The following HDGFL3 variants were observed in gnomAD, a reference collection of about 807,000 sequenced individuals.
HDGFL3 encodes hepatoma-derived growth factor-related protein 3.
Under a neutral mutation model 27.6 loss-of-function variants are expected in HDGFL3, and 6 were observed. The observed-to-expected ratio is 0.22, with a 90% CI of 0.12 to 0.43. The LOEUF is 0.43. HDGFL3 is among the 20% of genes least tolerant of loss of function. The pLI, the probability that HDGFL3 is intolerant of heterozygous loss-of-function variation, is 1.00. For missense variants in HDGFL3, 207 were observed against 250.1 expected (o/e 0.83, Z 1.16); for synonymous variants, 88 against 88.9 (o/e 0.99, Z 0.05).
In HDGFL3 at chr15:83,128,225, A is replaced by C. The variant is rs2035944641; in HGVS notation, c.*11045T>G. On this transcript the variant is annotated 3_prime_UTR_variant, in exon 6 of 6. Transcript: ENST00000299633. ...TCATCTAGAAACTGTAGGCTTGTAC[A>C]GTCAATTATATGCATGGTATAATAA... The C allele has an allele frequency of 1.3e-5, 2 of 152,278 alleles. No individual in the cohort carries two copies. 9.4% of individuals were successfully genotyped at this position (152,278 alleles called of 1,614,324 possible).
In HDGFL3 at chr15:83,157,725, G is replaced by A. The variant is rs559033929; in HGVS notation, c.301-152C>T. The stretch of plus-strand genomic sequence containing the variant: ...GGCTGTCAAACTGAATTTTCCAATG[G>A]ACACTTGATTTGAACCCTTCTGATT... On this transcript the variant is annotated intron_variant, in intron 3 of 5. Coordinates refer to ENST00000299633, the MANE Select transcript of HDGFL3 (RefSeq NM_016073.4). 4.7e-5 allele frequency: 46 copies of A among 978,218 alleles called. No individual in the cohort carries two copies. The African/African-American group carries it at 6.8e-4, about 14-fold the overall frequency. 60.6% of individuals were successfully genotyped at this position (978,218 alleles called of 1,614,324 possible). A position where few individuals can be genotyped will look rare whatever the true frequency, so the allele number is the denominator to read the frequency against.
chr15:83,154,393 T>C (rs776893315), intron 4 of HDGFL3, among the ~76,000 whole-genome samples: 7 of 151,870 alleles, frequency 4.6e-5, no homozygotes, highest in Non-Finnish European at 8.8e-5. Flanking sequence ...TAAAAAGCAT[T>C]TGGGAAGCAA....
intron 1 of HDGFL3, among the ~76,000 whole-genome samples, chr15:83,164,644 T>A (rs1567170606): frequency 6.6e-6 from 1 of 152,192 alleles, no homozygotes; most frequent in Non-Finnish European, 1.5e-5. Context: ...TTCTCATTGC[T>A]TACAGCATTC....
At chr15:83,122,761 G>C, downstream of HDGFL3, 5 of 1,613,704 alleles carry the variant, frequency 3.1e-6, no homozygotes, top group Non-Finnish European at 4.2e-6. Context: ...AAATAGGGAA[G>C]TATGGAACAC....
chr15:83,170,557 A>T (rs2037233181), intron 1 of HDGFL3, among the ~76,000 whole-genome samples: 1 of 152,198 alleles, frequency 6.6e-6, no homozygotes, highest in South Asian at 2.1e-4. Context: ...TCACCACATA[A>T]GAAAACCTAA....
chr15:83,141,985 C>G (rs565246759), intron 5 of HDGFL3, among the ~76,000 whole-genome samples: 6 of 152,232 alleles, frequency 3.9e-5, no homozygotes, highest in Non-Finnish European at 5.9e-5. Flanking sequence ...CCATTTCACA[C>G]AACTCAATGG....
downstream of HDGFL3, among the ~76,000 whole-genome samples, chr15:83,125,594 T>C (rs190041471): frequency 2.2e-3 from 331 of 152,370 alleles, 2 homozygotes; most frequent in Middle Eastern, 3.4e-3. Flanking sequence ...TCAGTGATCC[T>C]TCACAATGCC....
At chr15:83,147,474 G>GA (rs552586321) in intron 5 of HDGFL3, among the ~76,000 whole-genome samples, 24 of 149,548 alleles carry the variant, frequency 1.6e-4, no homozygotes, top group Middle Eastern at 3.4e-3. Flanking sequence ...CTCCCATCAA[G>GA]AAAAAAAAAG....
rs138982017 is a variant in HDGFL3, at chr15:83,188,862, T to C, written c.84+18469A>G. On this transcript the variant is annotated intron_variant, in intron 1 of 5. Coordinates refer to ENST00000299633, the MANE Select transcript of HDGFL3 (RefSeq NM_016073.4). Reference sequence around the variant, plus strand: ...CTCATATGAGCTTCAGACTCACATATTGGGTGTCTCACTGGCATTTCTAAA... The same window carrying C: ...CTCATATGAGCTTCAGACTCACATACTGGGTGTCTCACTGGCATTTCTAAA... Among the ~76,000 whole-genome samples the C allele has an allele frequency of 7.1e-4, 108 of 152,300 alleles. 2 individuals are homozygous for C. In the East Asian group the frequency reaches 0.018, roughly 26 times the overall value.
chr15:83,188,937 C>A (rs2037477960), intron 1 of HDGFL3, among the ~76,000 whole-genome samples: 1 of 152,184 alleles, frequency 6.6e-6, no homozygotes, highest in South Asian at 2.1e-4. Context: ...TCAAGATTCT[C>A]CATGTGAGTA....
intron 3 of HDGFL3, chr15:83,121,878 A>G (rs776744383): frequency 3.4e-6 from 5 of 1,466,128 alleles, no homozygotes; most frequent in Non-Finnish European, 3.8e-6. Context: ...GTATTCTAAG[A>G]CAAACATACC....
At chr15:83,185,684 G>C (rs892651948) in intron 1 of HDGFL3, among the ~76,000 whole-genome samples, 3 of 152,168 alleles carry the variant, frequency 2.0e-5, no homozygotes, top group Non-Finnish European at 2.9e-5. Context: ...GTGAAGATGA[G>C]ATAATCCCAG....
In HDGFL3 at chr15:83,135,489, C is replaced by G. The variant is rs944733243; in HGVS notation, c.*3781G>C. ...TTCCCAATCCTTTATTCATGTGTAT[C>G]TTGAATTTCAGCAAGATATGAAAAT... On this transcript the variant is annotated 3_prime_UTR_variant, in exon 6 of 6. Transcript: ENST00000299633. 6.6e-6 allele frequency: 1 copy of G among 152,124 alleles called. No individual in the cohort carries two copies. Among genetic ancestry groups the G allele is most frequent in the African/African-American group, 2.4e-5 (1 of 41,418 alleles). The allele number at this position is 152,124 out of a possible 1,614,324, so 9.4% of individuals were successfully genotyped here.
Position 83,157,470 on chromosome 15 carries a change from C to T in HDGFL3, c.404G>A (p.Gly135Asp), listed in dbSNP as rs780899046. 7.4e-6 allele frequency: 12 copies of T among 1,612,930 alleles called. No individual in the cohort carries two copies. The highest frequency in any genetic ancestry group is 1.3e-5 in the African/African-American group (1 of 74,886). The change falls in exon 4 of 6, where the codon GGC (glycine) becomes GAC (aspartate). Residue 135 changes from glycine to aspartate, a missense_variant. By Grantham distance (94) the Gly-to-Asp change is moderately conservative. Transcript: ENST00000299633. ...GCCTGCTTTTTCATTCTTTCTTTTG[C>T]CTTTTCCATCTTCTTCTACTCTATC... ...EGDRVEEDGK[G>D]KRKNEKAGSK...
intron 4 of HDGFL3, among the ~76,000 whole-genome samples, chr15:83,156,132 C>T (rs1302410681): frequency 6.6e-6 from 1 of 152,168 alleles, no homozygotes; most frequent in Non-Finnish European, 1.5e-5. Flanking sequence ...TCCAGCCACA[C>T]CTTCTTTCAA....
chr15:83,190,021 C>T (rs1349130300), intron 1 of HDGFL3, among the ~76,000 whole-genome samples: 1 of 152,000 alleles, frequency 6.6e-6, no homozygotes, highest in Admixed American at 6.6e-5. Context: ...GCCTGGGCAA[C>T]ATAGTGAGAC....
intron 4 of HDGFL3, among the ~76,000 whole-genome samples, chr15:83,155,484 GT>G (rs1429059175): frequency 1.3e-5 from 2 of 152,180 alleles, no homozygotes; most frequent in Non-Finnish European, 1.5e-5. Flanking sequence ...ATTCAAGTAG[GT>G]GTTTAAATGA....
chr15:83,201,468 ATC>A (rs1250943833), intron 1 of HDGFL3, among the ~76,000 whole-genome samples: 4 of 152,168 alleles, frequency 2.6e-5, no homozygotes, highest in Non-Finnish European at 4.4e-5. Flanking sequence ...ATGGATTCTG[ATC>A]TAACATCTGA....
At chr15:83,112,992 C>CTG in exon 4 of HDGFL3, 1 of 1,104,648 alleles carries the variant, frequency 9.1e-7, no homozygotes. Flanking sequence ...TGTGAATACT[C>CTG]TGAGCCCTTT....
Sources: allele counts gnomAD v4.1 joint callset (sites outside exome capture counted in the v4.1 genomes callset), GRCh38; gene constraint gnomAD v4.1.1; transcripts MANE v1.5; gene names NCBI Gene and HGNC (gene_info 2026-07-23, HGNC 2026-07-21).